The following NAT10 variants were observed in gnomAD, a reference collection of about 807,000 sequenced individuals.
NAT10 encodes the protein N-acetyltransferase 10.
NAT10 carries 109 observed loss-of-function variants against 132.2 expected under a neutral mutation model. That is an observed-to-expected ratio of 0.82 (90% confidence interval 0.71 to 0.97). The LOEUF (loss-of-function observed/expected upper bound fraction) is 0.97, where lower values mean the gene tolerates loss of function less well. Ranked by LOEUF, NAT10 falls within the 50% of genes least tolerant of loss-of-function variation. NAT10 has a pLI of 0.00. For synonymous variants in NAT10, 479 were observed against 478.0 expected (o/e 1.00, Z -0.03); for missense variants, 1,184 against 1,263.4 (o/e 0.94, Z 0.95).
rs745472602 is a variant in NAT10, at chr11:34,143,535, G to GC, written c.2969+10dup. 6.2e-7 allele frequency: 1 copy of GC among 1,613,088 alleles called. No individual in the cohort carries two copies. The highest frequency in any genetic ancestry group is 1.1e-5 in the South Asian group (1 of 90,826). On this transcript the variant is annotated splice_region_variant and intron_variant, in intron 28 of 28. Transcript: ENST00000257829. ...CGATCATCAGCCTGAAAAGGTGAGG[G>GC]CCCAGGGTCTGATGTGCATCTGGCG...
At chr11:34,114,345 C>G (rs1295715225) in intron 5 of NAT10, among the ~76,000 whole-genome samples, 1 of 152,182 alleles carries the variant, frequency 6.6e-6, no homozygotes, top group Non-Finnish European at 1.5e-5. Context: ...AGGGATATGT[C>G]TCACCTGATG....
At position 34,108,299 on chromosome 11, in the gene NAT10, T is replaced by G; in HGVS notation, c.74T>G (p.Leu25Arg). 6.2e-7 allele frequency: 1 copy of G among 1,614,188 alleles called. No homozygotes were observed. The highest frequency in any genetic ancestry group is 1.6e-4 in the Middle Eastern group (1 of 6,062). The change falls in exon 2 of 29, where the codon CTC becomes CGC. Residue 25 changes from leucine (L) to arginine (R), a missense_variant. By Grantham distance (102) the Leu-to-Arg change is moderately radical. Coordinates refer to ENST00000257829, the MANE Select transcript of NAT10 (RefSeq NM_024662.3). ...ENGVAERQRS[L>R]FVVVGDRGKD... is the part of the protein sequence containing the mutation. ...GGAGTAGCTGAGCGGCAAAGATCTC[T>G]CTTTGTTGTAGTTGGGGATCGAGGA...
intron 10 of NAT10, 136 bp downstream of exon 10, chr11:34,123,991 G>A (rs1265224449): frequency 4.6e-6 from 3 of 645,534 alleles, no homozygotes; most frequent in Non-Finnish European, 8.0e-6. Context: ...CCAACATAGA[G>A]AAACCCCGTC....
In NAT10 at chr11:34,134,499, G is replaced by A. The variant is rs746334993; in HGVS notation, c.1837-13G>A. On this transcript the variant is annotated splice_polypyrimidine_tract_variant and intron_variant, in intron 17 of 28. Transcript: ENST00000257829. ...CTGTGTTGCTAAGTTACTGGTTTGT[G>A]TCTCCCACACAGTTCCAAGATCCAG... 1.2e-6 allele frequency: 2 copies of A among 1,614,176 alleles called. No individual in the cohort carries two copies. The highest frequency in any genetic ancestry group is 1.1e-5 in the South Asian group (1 of 91,086).
chr11:34,126,201 T>C (rs1851990496), intron 11 of NAT10, among the ~76,000 whole-genome samples: 1 of 152,234 alleles, frequency 6.6e-6, no homozygotes, highest in South Asian at 2.1e-4. Context: ...ATTTTTGTTT[T>C]AAAGAACTAA....
At chr11:34,125,050 T>C (rs942249307) in intron 11 of NAT10, among the ~76,000 whole-genome samples, 1 of 152,262 alleles carries the variant, frequency 6.6e-6, no homozygotes, top group Non-Finnish European at 1.5e-5. Context: ...CAGGTGAATT[T>C]GGCAGTTTAT....
At chr11:34,137,936 C>T (rs1852247172) in intron 21 of NAT10, among the ~76,000 whole-genome samples, 1 of 152,126 alleles carries the variant, frequency 6.6e-6, no homozygotes, top group Non-Finnish European at 1.5e-5. Flanking sequence ...TGCATTGAAG[C>T]AGCTGCAGTG....
Position 34,139,248 on chromosome 11 carries a change from G to A in NAT10, c.2269G>A (p.Glu757Lys). The A allele has an allele frequency of 6.2e-7, 1 of 1,614,182 alleles. No homozygotes were observed. The highest frequency in any genetic ancestry group is 8.5e-7 in the Non-Finnish European group (1 of 1,180,024). ...IMLKTLTDED[E>K]ADQGGWLAAF... ...GCTGAAGACGCTCACTGATGAGGAT[G>A]AGGCTGACCAGGGAGGCTGGCTTGC... The change falls in exon 22 of 29, where the codon GAG (glutamate) becomes AAG (lysine). Residue 757 changes from glutamate to lysine, a missense_variant. By Grantham distance (56) the Glu-to-Lys change is moderately conservative (BLOSUM62 1). Transcript: ENST00000257829.
rs184953428 is a variant in NAT10 at position 34,128,562 on chromosome 11, G to A, written c.1244+963G>A. Among the ~76,000 whole-genome samples, 1,388 of 152,262 alleles carry A rather than the reference G, an allele frequency of 9.1e-3. 10 individuals carry two copies. The highest frequency in any genetic ancestry group is 0.015 in the Non-Finnish European group (1,004 of 67,988). ...AAATATGTATCTCCAATATTGGGAAGATTTCTGTATAGAAATCACATCTTG... is the reference window on the plus strand; with the variant it reads ...AAATATGTATCTCCAATATTGGGAAAATTTCTGTATAGAAATCACATCTTG... On this transcript the variant is annotated intron_variant, in intron 12 of 28. Transcript: ENST00000257829.
chr11:34,143,345 C>T, intron 27 of NAT10, 100 bp from the exon 28 acceptor site: 1 of 1,044,210 alleles, frequency 9.6e-7, no homozygotes, highest in South Asian at 1.6e-5. Context: ...GCTTTCATGA[C>T]AGGAAGTGTC....
intron 14 of NAT10, among the ~76,000 whole-genome samples, 159 bp downstream of exon 14, chr11:34,131,690 C>CTTTTTT (rs372631421): frequency 2.4e-5 from 3 of 123,918 alleles, no homozygotes; most frequent in African/African-American, 3.0e-5. Context: ...TTTTTTCTTT[C>CTTTTTT]TTTTTTTTTT....
At chr11:34,113,972 T>G in intron 5 of NAT10, 134 bp downstream of exon 5, 1 of 1,043,214 alleles carries the variant, frequency 9.6e-7, no homozygotes. Context: ...AAGAGCTCTT[T>G]GATTTTAACT....
chr11:34,122,182 GA>G (rs1050682754), intron 8 of NAT10, among the ~76,000 whole-genome samples: 3 of 150,886 alleles, frequency 2.0e-5, no homozygotes, highest in South Asian at 2.1e-4. Context: ...ATCTCAGAAG[GA>G]AAAAAAAAGT....
At chr11:34,139,631 C>T (rs1437929321) in intron 23 of NAT10, 136 bp downstream of exon 23, 13 of 714,234 alleles carry the variant, frequency 1.8e-5, no homozygotes, top group Middle Eastern at 3.7e-4. Context: ...GGTCACCACC[C>T]GCTTGCCAGG....
intron 12 of NAT10, 116 bp from the exon 13 acceptor site, chr11:34,130,697 G>T (rs1006776601): frequency 7.5e-7 from 1 of 1,330,644 alleles, no homozygotes; most frequent in Non-Finnish European, 1.0e-6. Flanking sequence ...GAGCAAGGCT[G>T]TCCTGGGGGA....
chr11:34,124,291 C>T lies in NAT10; in HGVS notation c.1009-11C>T. On this transcript the variant is annotated splice_polypyrimidine_tract_variant and intron_variant, in intron 10 of 28. Transcript: ENST00000257829. ...TTTCTAAAGTTTGTCATTGGTTTGA[C>T]TCCCCACCAGGAACATCTGGATTAT... The T allele has an allele frequency of 3.8e-6, 6 of 1,583,870 alleles. No individual in the cohort carries two copies. The highest frequency in any genetic ancestry group is 5.2e-6 in the Non-Finnish European group (6 of 1,157,460).
intron 8 of NAT10, 72 bp downstream of exon 8, chr11:34,118,575 G>A: frequency 7.7e-7 from 1 of 1,292,340 alleles, no homozygotes; most frequent in Non-Finnish European, 1.1e-6. Flanking sequence ...CAGAAGCCAA[G>A]GTACGTTGAC....
chr11:34,139,017 T>A (rs1017333130), intron 21 of NAT10, 174 bp from the exon 22 acceptor site: 2 of 593,548 alleles, frequency 3.4e-6, no homozygotes, highest in Non-Finnish European at 6.0e-6. Context: ...TGAGGTGATA[T>A]GAGGAAGGTG....
chr11:34,113,906 C>T lies in NAT10; in HGVS notation c.495+68C>T, dbSNP rs1304535720. ...ATCTGTTTTTGCTGTGTTCTGCTTT[C>T]TTTAAAGAATTCCTGTTGGGCAGCT... On this transcript the variant is annotated intron_variant, in intron 5 of 28. Transcript: ENST00000257829. 5 of 1,574,834 alleles carry T rather than the reference C, an allele frequency of 3.2e-6. No homozygotes were observed. The African/African-American group carries it at 6.8e-5, about 21-fold the overall frequency.
Sources: allele counts gnomAD v4.1 joint callset (sites outside exome capture counted in the v4.1 genomes callset), GRCh38; gene constraint gnomAD v4.1.1; transcripts MANE v1.5; gene names NCBI Gene and HGNC (gene_info 2026-07-23, HGNC 2026-07-21).